The following CARD14 variants were observed in gnomAD, a reference collection of about 807,000 sequenced individuals.
CARD14 encodes caspase recruitment domain-containing protein 14.
In CARD14, 107 loss-of-function variants were observed where a neutral mutation model predicts 111.5. The ratio of observed to expected loss-of-function variants is 0.96; its 90% CI spans 0.82 to 1.13. The LOEUF is 1.13. Among genes scored for constraint, CARD14 ranks in the 50% most tolerant of loss-of-function variants. The pLI is 0.00. For synonymous variants in CARD14, 617 were observed against 579.6 expected, an observed-to-expected ratio of 1.06 and a Z score of -0.93; for missense variants, 1,322 against 1,362.3, an observed-to-expected ratio of 0.97 and a Z score of 0.47.
At position 80,195,402 on chromosome 17, in the gene CARD14, A is replaced by G. The variant is rs947864785; in HGVS notation, c.1499+69A>G. 3.2e-6 allele frequency: 5 copies of G among 1,548,052 alleles called. No individual in the cohort carries two copies. The African/African-American group carries it at 5.4e-5, about 17-fold the overall frequency. The stretch of plus-strand genomic sequence containing the variant: ...TCCTTCCTGGCAACTCACCAGAGAC[A>G]CCAACCTAGACCTCAGGGCATCTGG... On this transcript the variant is annotated intron_variant, in intron 13 of 23. Coordinates refer to ENST00000648509, the MANE Select transcript of CARD14 (RefSeq NM_001366385.1). The surrounding 1 kb of genome is among the most constrained non-coding windows in gnomAD (Gnocchi z 4.7).
rs142664965 is a variant in CARD14 at position 80,206,985 on chromosome 17, C to G, written c.2707C>G (p.Leu903Val). ...SLMEKNTHAL[L>V]DVQLDSVCTL... Reference sequence around the variant, plus strand: ...TCCCACAAAGAACACCCATGCCCTCCTGGACGTCCAGCTGGACAGTGTCTG... The same window carrying G: ...TCCCACAAAGAACACCCATGCCCTCGTGGACGTCCAGCTGGACAGTGTCTG... The change falls in exon 23 of 24, where the codon CTG (leucine) becomes GTG (valine). Residue 903 changes from leucine to valine, a missense_variant. By Grantham distance (32) the Leu-to-Val change is conservative (BLOSUM62 1). Transcript: ENST00000648509. 3 of 1,612,256 alleles carry G rather than the reference C, an allele frequency of 1.9e-6. No homozygotes were observed. Among genetic ancestry groups the G allele is most frequent in the Non-Finnish European group, 2.5e-6 (3 of 1,178,984 alleles).
rs1167588106 is a variant in CARD14, at chr17:80,207,076, A to C, written c.2798A>C (p.Lys933Thr). 6.2e-7 allele frequency: 1 copy of C among 1,613,130 alleles called. No homozygotes were observed. The highest frequency in any genetic ancestry group is 8.5e-7 in the Non-Finnish European group (1 of 1,179,392). Reference protein sequence around the residue: ...IHVSVNEKMAKKLKKGLQRLG... With the variant: ...IHVSVNEKMATKLKKGLQRLG... The stretch of plus-strand genomic sequence containing the variant: ...GTCTCTGTCAACGAGAAGATGGCAA[A>C]GAAGCTCAAGTAGGTGCACGCTGGG... The change falls in exon 23 of 24, where the codon AAG (lysine) becomes ACG (threonine). Residue 933 changes from lysine (K) to threonine (T), a missense_variant. Coordinates refer to ENST00000648509, the MANE Select transcript of CARD14 (RefSeq NM_001366385.1).
intron 21 of CARD14, 113 bp downstream of exon 21, chr17:80,205,318 C>G: frequency 1.7e-6 from 2 of 1,174,178 alleles, no homozygotes; most frequent in Non-Finnish European, 2.4e-6. Flanking sequence ...CCACCACGCA[C>G]ATTCCCACAC....
rs1178299203 is a variant in CARD14 at position 80,205,228 on chromosome 17, C to A, written c.2569+23C>A. On this transcript the variant is annotated intron_variant, in intron 21 of 23. Transcript: ENST00000648509. ...CAGGTATGCTGTTGCCTGGGAATCC[C>A]TCTACCCCTTCCACCTTCCCTCCCT... The A allele has an allele frequency of 1.3e-5, 20 of 1,588,312 alleles. No individual in the cohort carries two copies. In the Admixed American group the frequency reaches 3.2e-4, roughly 26 times the overall value.
intron 22 of CARD14, chr17:80,206,761 C>G (rs965307210): frequency 9.0e-6 from 3 of 333,224 alleles, no homozygotes; most frequent in Non-Finnish European, 1.6e-5. Context: ...AGCGAGACTC[C>G]GTCTCAAAAA....
Position 80,184,240 on chromosome 17 carries a change from TAGG to T in CARD14, c.675+3_675+5del. 6.6e-7 allele frequency: 1 copy of T among 1,517,950 alleles called. No individual in the cohort carries two copies. Among genetic ancestry groups the T allele is most frequent in the African/African-American group, 1.4e-5 (1 of 72,834 alleles). 94.0% of individuals were successfully genotyped at this position (1,517,950 alleles called of 1,614,324 possible). A position where few individuals can be genotyped will look rare whatever the true frequency, so the allele number is the denominator to read the frequency against. On this transcript the variant is annotated splice_donor_5th_base_variant and intron_variant, in intron 7 of 23. Transcript: ENST00000648509. ...CGCTGCCGCAGCCTGCAGGAGGAGG[TAGG>T]GGGACACCCTGCACCCCGGCGCGAC... is the stretch of plus-strand genomic sequence containing the variant.
chr17:80,202,089 C>A, intron 17 of CARD14, 91 bp from the exon 18 acceptor site: 3 of 1,186,604 alleles, frequency 2.5e-6, no homozygotes, highest in Admixed American at 1.9e-5. Flanking sequence ...CTGGGAGGGT[C>A]CTTCCTTCTC....
chr17:80,197,797 C>T (rs1001377123), intron 14 of CARD14, among the ~76,000 whole-genome samples: 2 of 152,218 alleles, frequency 1.3e-5, no homozygotes, highest in Non-Finnish European at 2.9e-5. Context: ...ATGTGGTGGT[C>T]AGACCCTCCC....
At chr17:80,187,027 T>C (rs1454509175) in intron 7 of CARD14, among the ~76,000 whole-genome samples, 1 of 152,266 alleles carries the variant, frequency 6.6e-6, no homozygotes, top group East Asian at 1.9e-4. Flanking sequence ...CTCATATGCA[T>C]GGAAGTATAC....
intron 22 of CARD14, 111 bp from the exon 23 acceptor site, chr17:80,206,859 C>G: frequency 1.7e-6 from 1 of 593,056 alleles, no homozygotes; most frequent in Non-Finnish European, 2.9e-6. Context: ...CTGCCCAGCT[C>G]CTGCCCTGCC....
rs777889815 is a variant in CARD14 at position 80,203,876 on chromosome 17, G to A, written c.2274G>A (p.Val758=). The part of the protein sequence containing the change: ...LIQDMTQQCT[V]TRKPSSGGPQ... ...AGGACATGACTCAGCAGTGCACCGT[G>A]ACCCGCAAGGTGAGGCTCCAGGGAG... is the stretch of plus-strand genomic sequence containing the variant. The change falls in exon 19 of 24, where the codon GTG becomes GTA. Residue 758 remains valine, a synonymous_variant. Coordinates refer to ENST00000648509, the MANE Select transcript of CARD14 (RefSeq NM_001366385.1). The surrounding 1 kb of genome is among the most constrained non-coding windows in gnomAD (Gnocchi z 4.6). 36 of 1,595,960 alleles carry A rather than the reference G, an allele frequency of 2.3e-5. No individual in the cohort carries two copies. The highest frequency in any genetic ancestry group is 3.1e-5 in the Non-Finnish European group (36 of 1,172,254).
At chr17:80,185,979 C>G (rs1047697713) in intron 7 of CARD14, among the ~76,000 whole-genome samples, 1 of 152,266 alleles carries the variant, frequency 6.6e-6, no homozygotes, top group African/African-American at 2.4e-5. Context: ...TGTCAAGGTG[C>G]AGGCCAATTG....
At chr17:80,187,671 C>T in intron 7 of CARD14, 4 of 784,426 alleles carry the variant, frequency 5.1e-6, no homozygotes, top group Non-Finnish European at 4.6e-6. Flanking sequence ...TGAGCACCGG[C>T]ACCCACCCCG....
At chr17:80,190,006 G>T in intron 9 of CARD14, 134 bp downstream of exon 9, 1 of 1,255,870 alleles carries the variant, frequency 8.0e-7, no homozygotes, top group Non-Finnish European at 1.1e-6. Context: ...CTGTCGGCCT[G>T]TTCATCTGTC....
At chr17:80,170,631 G>A (rs1255746012) in intron 1 of CARD14, 1 of 152,208 alleles carries the variant, frequency 6.6e-6, no homozygotes, top group Non-Finnish European at 1.5e-5. Context: ...CTTGGGTTAG[G>A]AGAAGGATGT....
chr17:80,206,839 A>T (rs1410107178), intron 22 of CARD14, 131 bp from the exon 23 acceptor site: 1 of 492,406 alleles, frequency 2.0e-6, no homozygotes, highest in Non-Finnish European at 3.6e-6. Context: ...CTCCTCTACA[A>T]AATTCAGCTC....
At position 80,188,289 on chromosome 17, in the gene CARD14, T is replaced by C; in HGVS notation, c.676-88T>C. ...AGCCCCCTGAGTGCTAAAAGCATCA[T>C]TAGGAGGAAGGGTGAGAAATGCCCC... On this transcript the variant is annotated intron_variant, in intron 7 of 23. Coordinates refer to ENST00000648509, the MANE Select transcript of CARD14 (RefSeq NM_001366385.1). This position sits in a 1 kb window ranked among gnomAD's most constrained non-coding sequence, Gnocchi z 4.5. 1 of 1,361,710 alleles carries C rather than the reference T, an allele frequency of 7.3e-7. No homozygotes were observed. Among genetic ancestry groups the C allele is most frequent in the South Asian group, 1.5e-5 (1 of 64,768 alleles). The allele number at this position is 1,361,710 out of a possible 1,614,324, so 84.4% of individuals were successfully genotyped here.
Position 80,181,383 on chromosome 17 carries a change from A to C in CARD14, c.-20-36A>C, listed in dbSNP as rs9906472. 810,463 of 1,495,346 alleles carry C rather than the reference A, an allele frequency of 0.54. 224,182 individuals are homozygous for C. Among genetic ancestry groups the C allele is most frequent in the African/African-American group, 0.79 (56,562 of 72,006 alleles). The allele number at this position is 1,495,346 out of a possible 1,614,324, so 92.6% of individuals were successfully genotyped here. On this transcript the variant is annotated intron_variant, in intron 4 of 23. Transcript: ENST00000648509. ...CCCTGGCTATCCTGGGGTCCTGCTT[A>C]CCTGACAACTCCACCCCCATGGCCA...
In CARD14 at chr17:80,182,596, GAGCCC is replaced by G. The variant is rs903539440; in HGVS notation, c.212-51_212-47del. ...CTCCCCCGTGGGGAAGCCAGCCAGG[GAGCCC>G]AGCCCCCTTGGTAGCTGGGTTCTGC... On this transcript the variant is annotated intron_variant, in intron 5 of 23. Transcript: ENST00000648509. The surrounding 1 kb of genome is among the most constrained non-coding windows in gnomAD (Gnocchi z 4.7). 7 of 1,600,254 alleles carry G rather than the reference GAGCCC, an allele frequency of 4.4e-6. No individual in the cohort carries two copies. Among genetic ancestry groups the G allele is most frequent in the Admixed American group, 1.7e-5 (1 of 58,492 alleles).
Sources: gnomAD v4.1 joint callset for allele counts (sites outside exome capture counted in the v4.1 genomes callset) on GRCh38, gnomAD v4.1.1 for gene constraint, Gnocchi (gnomAD v3.1) non-coding constraint, MANE v1.5 for transcripts, NCBI Gene and HGNC (gene_info 2026-07-23, HGNC 2026-07-21) for gene names.